The following CIITA variants were observed in gnomAD, a reference collection of about 807,000 sequenced individuals.
The protein encoded by CIITA is MHC class II transactivator.
CIITA carries 72 observed loss-of-function variants against 115.1 expected under a neutral mutation model. The observed-to-expected ratio is 0.63, with a 90% CI of 0.52 to 0.76. CIITA has a LOEUF of 0.76. CIITA is among the 30% of genes least tolerant of loss of function. The probability of loss-of-function intolerance (pLI) is 0.00; values close to 1 mark genes in which losing one functional copy is unlikely to be tolerated. For synonymous variants in CIITA, 763 were observed against 635.6 expected (o/e 1.20, Z -3.02); for missense variants, 1,617 against 1,463.8 (o/e 1.10, Z -1.71).
chr16:10,869,234 G>A (rs1011598015), intron 1 of CIITA, among the ~76,000 whole-genome samples: 1 of 152,126 alleles, frequency 6.6e-6, no homozygotes, highest in African/African-American at 2.4e-5. Flanking sequence ...TACCTCATCA[G>A]CTCCCTGCTC....
At chr16:10,917,880 T>C (rs929557047) in intron 15 of CIITA, among the ~76,000 whole-genome samples, 3 of 152,218 alleles carry the variant, frequency 2.0e-5, no homozygotes, top group Non-Finnish European at 4.4e-5. Flanking sequence ...CGGAATTTAC[T>C]TAGCAATTTC....
At chr16:10,895,864 C>G (rs2038074823) in intron 3 of CIITA, 100 bp downstream of exon 3, 1 of 1,144,490 alleles carries the variant, frequency 8.7e-7, no homozygotes, top group Admixed American at 1.9e-5. Context: ...CGTCAGTCCC[C>G]TCCCACAGAA....
chr16:10,881,298 G>GAA (rs140684571), intron 1 of CIITA, among the ~76,000 whole-genome samples: 1 of 147,016 alleles, frequency 6.8e-6, no homozygotes, highest in Non-Finnish European at 1.5e-5. Context: ...ACTGTCTCAG[G>GAA]AAAAAAAAAA....
chr16:10,910,968 A>T (rs531607402), intron 13 of CIITA, among the ~76,000 whole-genome samples: 1 of 121,628 alleles, frequency 8.2e-6, no homozygotes, highest in Admixed American at 7.8e-5. Flanking sequence ...GCATCCCAAG[A>T]AGCCCCTTAG....
intron 13 of CIITA, among the ~76,000 whole-genome samples, chr16:10,914,612 C>T (rs2039822450): frequency 6.6e-6 from 1 of 152,148 alleles, no homozygotes; most frequent in African/African-American, 2.4e-5. Context: ...AACTAAACGG[C>T]CCTTCGTTGT....
chr16:10,905,436 C>T (rs551912481), intron 10 of CIITA, among the ~76,000 whole-genome samples: 6 of 152,124 alleles, frequency 3.9e-5, no homozygotes, highest in East Asian at 3.9e-4. Flanking sequence ...AGTGATCAAG[C>T]GAAGAAAAAG....
In CIITA at chr16:10,918,500, G is replaced by C. The variant is rs138925894; in HGVS notation, c.3123G>C (p.Ser1041=). The C allele has an allele frequency of 9.3e-6, 15 of 1,614,050 alleles. No homozygotes were observed. In the South Asian group the frequency reaches 1.3e-4, roughly 14 times the overall value. ...ACAAACTCGCCGAGGCCCTGCCTTC[G>C]CTCGCTGCATCCCTGCTCAGGCTAA... is the stretch of plus-strand genomic sequence containing the variant. ...GAYKLAEALP[S]LAASLLRLSL... Residue 1041 remains serine (S), a synonymous_variant, in exon 16 of 20, where the codon TCG becomes TCC. Transcript: ENST00000324288.
Position 10,929,363 on chromosome 16 carries a change from G to A in CIITA, c.*5508G>A. ...GTTCCTGTAAACATCCATCGCAGCT[G>A]CAAATAATCAGAAGCCAAGGCCAGG... On this transcript the variant is annotated 3_prime_UTR_variant, in exon 20 of 20. Coordinates refer to ENST00000324288, the MANE Select transcript of CIITA (RefSeq NM_000246.4). The surrounding 1 kb of genome is among the most constrained non-coding windows in gnomAD (Gnocchi z 4.3). The A allele has an allele frequency of 1.0e-6, 1 of 985,924 alleles. No homozygotes were observed. The highest frequency in any genetic ancestry group is 1.7e-5 in the African/African-American group (1 of 57,368). The allele number at this position is 985,924 out of a possible 1,614,324, so 61.1% of individuals were successfully genotyped here.
chr16:10,875,125 AT>A (rs2035744797), upstream of CIITA, among the ~76,000 whole-genome samples: 1 of 151,756 alleles, frequency 6.6e-6, no homozygotes, highest in Non-Finnish European at 1.5e-5. Flanking sequence ...GCCCAGGCTA[AT>A]TTTTGTATTT....
intron 12 of CIITA, 33 bp downstream of exon 12, chr16:10,909,220 GC>G: frequency 6.2e-7 from 1 of 1,609,974 alleles, no homozygotes; most frequent in Non-Finnish European, 8.5e-7. Context: ...GGTGGTTCAC[GC>G]CATGCAGGTT....
intron 1 of CIITA, among the ~76,000 whole-genome samples, chr16:10,890,193 G>C (rs980122116): frequency 6.6e-6 from 1 of 152,098 alleles, no homozygotes; most frequent in Admixed American, 6.5e-5. Flanking sequence ...GCAGATCTTA[G>C]GCCCTCTGGT....
Position 10,925,746 on chromosome 16 carries a change from AC to A in CIITA, c.*1893del, listed in dbSNP as rs2040507332. ...CACACGCGTGCACACACCAGAGCCCACCTTGGCTCAAGTCCTCTTTTCTGAG... is the reference window on the plus strand; with the variant it reads ...CACACGCGTGCACACACCAGAGCCCACTTGGCTCAAGTCCTCTTTTCTGAG... On this transcript the variant is annotated 3_prime_UTR_variant, in exon 20 of 20. Transcript: ENST00000324288. 6.6e-6 allele frequency: 1 copy of A among 152,236 alleles called. No homozygotes were observed. The highest frequency in any genetic ancestry group is 1.5e-5 in the Non-Finnish European group (1 of 68,046). 9.4% of individuals were successfully genotyped at this position (152,236 alleles called of 1,614,324 possible).
Position 10,903,716 on chromosome 16 carries a change from C to T in CIITA, c.773-15C>T, listed in dbSNP as rs1038006387. ...TACCTGGTTATTCTCACACCACTCTCCACCCCCAATGTAGGTGAGGTGCCC... is the reference window on the plus strand; with the variant it reads ...TACCTGGTTATTCTCACACCACTCTTCACCCCCAATGTAGGTGAGGTGCCC... On this transcript the variant is annotated splice_polypyrimidine_tract_variant and intron_variant, in intron 8 of 19. Transcript: ENST00000324288. 6.2e-7 allele frequency: 1 copy of T among 1,613,868 alleles called. No individual in the cohort carries two copies. The highest frequency in any genetic ancestry group is 2.2e-5 in the East Asian group (1 of 44,896).
chr16:10,908,741 C>A, intron 11 of CIITA: 1 of 586,854 alleles, frequency 1.7e-6, no homozygotes, highest in Non-Finnish European at 3.0e-6. Context: ...CATATTTCCC[C>A]CTAAACATAC....
chr16:10,882,298 G>T (rs1189378226), intron 1 of CIITA, among the ~76,000 whole-genome samples: 4 of 152,214 alleles, frequency 2.6e-5, no homozygotes, highest in Non-Finnish European at 5.9e-5. Flanking sequence ...GAAGACGAAT[G>T]CCTGCAGTTT....
chr16:10,907,965 G>A lies in CIITA; in HGVS notation c.2473G>A (p.Val825Met), dbSNP rs773619622. 3.8e-6 allele frequency: 6 copies of A among 1,571,490 alleles called. No individual in the cohort carries two copies. In the Admixed American group the frequency reaches 5.5e-5, roughly 14 times the overall value. Residue 825 changes from valine (V) to methionine (M), a missense_variant, in exon 11 of 20, where the codon GTG (valine) becomes ATG (methionine). Transcript: ENST00000324288. The surrounding 1 kb of genome is among the most constrained non-coding windows in gnomAD (Gnocchi z 5.0). ...CGAGGAGGCTGGAATTTGGCAGCAC[G>A]TGGTACAGGAGCTCCCCGGCCGCCT... ...EAEEAGIWQH[V>M]VQELPGRLSF... is the part of the protein sequence containing the mutation.
intron 1 of CIITA, among the ~76,000 whole-genome samples, chr16:10,870,978 T>C (rs976937088): frequency 6.6e-6 from 1 of 152,204 alleles, no homozygotes; most frequent in Admixed American, 6.5e-5. Flanking sequence ...TGCTGAGTGC[T>C]TGGGTACTGT....
At chr16:10,895,647 T>C (rs760536146) in intron 2 of CIITA, 22 bp from the exon 3 acceptor site, 1 of 1,613,938 alleles carries the variant, frequency 6.2e-7, no homozygotes, top group South Asian at 1.1e-5. Flanking sequence ...TCCTTCTTCA[T>C]CCAAGGGACT....
chr16:10,913,923 AGAGT>A lies in CIITA; in HGVS notation c.2889-1643_2889-1640del, dbSNP rs199629571. On this transcript the variant is annotated intron_variant, in intron 13 of 19. Transcript: ENST00000324288. ...GCCACTGCAGTCCAGCTTGGATGAC[AGAGT>A]GAGACCCCATCTCAAAAATAAATAA... Among the ~76,000 whole-genome samples, 1,047 of 145,852 alleles carry A rather than the reference AGAGT, an allele frequency of 7.2e-3. 12 individuals carry two copies. Among genetic ancestry groups the A allele is most frequent in the African/African-American group, 0.025 (999 of 39,488 alleles).
Sources: gnomAD v4.1 joint callset for allele counts (sites outside exome capture counted in the v4.1 genomes callset) on GRCh38, gnomAD v4.1.1 for gene constraint, Gnocchi (gnomAD v3.1) non-coding constraint, MANE v1.5 for transcripts, NCBI Gene and HGNC (gene_info 2026-07-23, HGNC 2026-07-21) for gene names.